Variants in ENAH observed in about 807,000 individuals in gnomAD.
ENAH encodes ENAH actin regulator.
A neutral mutation model predicts 78.7 loss-of-function variants in ENAH; 23 were observed. The ratio of observed to expected loss-of-function variants is 0.29; its 90% CI spans 0.21 to 0.41. ENAH has a LOEUF of 0.41. ENAH is among the 10% of genes least tolerant of loss of function. The pLI, the probability that ENAH is intolerant of heterozygous loss-of-function variation, is 1.00. For missense variants in ENAH, 544 were observed against 691.0 expected (o/e 0.79, Z 2.39); for synonymous variants, 226 against 241.0 (o/e 0.94, Z 0.58).
At chr1:225,553,574 GAA>G (rs1262114937) in intron 3 of ENAH, among the ~76,000 whole-genome samples, 30 of 125,390 alleles carry the variant, frequency 2.4e-4, no homozygotes, top group Non-Finnish European at 4.4e-4. Flanking sequence ...AAGATATTAA[GAA>G]AAAAAAAAAA....
chr1:225,614,791 A>T (rs2097015042), intron 1 of ENAH, among the ~76,000 whole-genome samples: 1 of 152,224 alleles, frequency 6.6e-6, no homozygotes, highest in Non-Finnish European at 1.5e-5. Context: ...AGGAACCAGG[A>T]ACAGAGACCA....
chr1:225,570,816 A>G (rs1463796655), intron 1 of ENAH, among the ~76,000 whole-genome samples: 1 of 151,732 alleles, frequency 6.6e-6, no homozygotes, highest in Non-Finnish European at 1.5e-5. Flanking sequence ...AAAAAAAATT[A>G]GCCAGGTCTG....
intron 12 of ENAH, among the ~76,000 whole-genome samples, chr1:225,500,141 T>C (rs1051995909): frequency 1.3e-5 from 2 of 152,222 alleles, no homozygotes; most frequent in Non-Finnish European, 2.9e-5. Context: ...TGATTTTCAA[T>C]GGCCACGTGC....
At chr1:225,580,912 C>CAAAAAAAAAAAAA (rs78529288) in intron 1 of ENAH, among the ~76,000 whole-genome samples, 10 of 63,688 alleles carry the variant, frequency 1.6e-4, no homozygotes, top group Non-Finnish European at 2.3e-4. Flanking sequence ...AGAAAAAAAC[C>CAAAAAAAAAAAAA]AAAAAAAAAA....
intron 1 of ENAH, among the ~76,000 whole-genome samples, chr1:225,629,958 A>G (rs1035177616): frequency 1.4e-4 from 21 of 152,232 alleles, no homozygotes; most frequent in Non-Finnish European, 2.6e-4. Context: ...TTAAATGACC[A>G]GAAAATGATT....
intron 1 of ENAH, 39 bp downstream of exon 1, chr1:225,652,647 A>G: frequency 6.3e-6 from 8 of 1,265,864 alleles, no homozygotes; most frequent in Non-Finnish European, 8.0e-6. Flanking sequence ...CTCCCGCGGC[A>G]CAATGGCCCG....
intron 1 of ENAH, among the ~76,000 whole-genome samples, chr1:225,601,099 TCAACAATTAACA>T (rs1256993048): frequency 1.3e-5 from 2 of 152,116 alleles, no homozygotes; most frequent in African/African-American, 4.8e-5. Flanking sequence ...TAAAATATAT[TCAACAATTAACA>T]GAACTGTCAG....
chr1:225,585,861 G>T (rs2096843469), intron 1 of ENAH, among the ~76,000 whole-genome samples: 1 of 152,112 alleles, frequency 6.6e-6, no homozygotes, highest in South Asian at 2.1e-4. Flanking sequence ...GAAATTTATA[G>T]TTGTGAATGC....
At chr1:225,601,619 A>G (rs577149708) in intron 1 of ENAH, among the ~76,000 whole-genome samples, 3 of 152,284 alleles carry the variant, frequency 2.0e-5, no homozygotes, top group Non-Finnish European at 4.4e-5. Context: ...GGTCAAAGAA[A>G]TACATCCCAA....
At chr1:225,641,872 T>C (rs1661123917) in intron 1 of ENAH, among the ~76,000 whole-genome samples, 1 of 151,866 alleles carries the variant, frequency 6.6e-6, no homozygotes, top group Non-Finnish European at 1.5e-5. Flanking sequence ...AATACAAAAA[T>C]TACCTGGGCG....
At chr1:225,569,342 G>A (rs2096749226) in intron 1 of ENAH, among the ~76,000 whole-genome samples, 1 of 152,210 alleles carries the variant, frequency 6.6e-6, no homozygotes, top group African/African-American at 2.4e-5. Context: ...GGAGCTGGGG[G>A]AGGGACAGCG....
At position 225,511,793 on chromosome 1, in the gene ENAH, T is replaced by C. The variant is rs562374371; in HGVS notation, c.1471+18A>G. The C allele has an allele frequency of 1.3e-6, 2 of 1,579,064 alleles. No individual in the cohort carries two copies. Among genetic ancestry groups the C allele is most frequent in the African/African-American group, 1.4e-5 (1 of 73,982 alleles). ...TAGAGAAAGTTTATAAAGGTTAAAA[T>C]ATTTATCTTGAACTTACCAGGTGTA... On this transcript the variant is annotated intron_variant, in intron 10 of 13. Transcript: ENST00000366843.
At chr1:225,535,613 C>G in intron 3 of ENAH, 3 of 1,094,680 alleles carry the variant, frequency 2.7e-6, no homozygotes, top group Non-Finnish European at 3.7e-6. Context: ...ACGGGGCCAT[C>G]TGAAGAACTT....
intron 2 of ENAH, among the ~76,000 whole-genome samples, chr1:225,562,774 A>C (rs1357378621): frequency 6.6e-6 from 1 of 151,910 alleles, no homozygotes; most frequent in Non-Finnish European, 1.5e-5. Flanking sequence ...AATTATAACA[A>C]CATGTGCCCA....
intron 1 of ENAH, among the ~76,000 whole-genome samples, chr1:225,642,113 A>G (rs1365143732): frequency 4.0e-5 from 6 of 151,644 alleles, no homozygotes; most frequent in African/African-American, 1.5e-4. Flanking sequence ...AAATGGGAGG[A>G]CTGTTTGAAC....
intron 4 of ENAH, 61 bp from the exon 5 acceptor site, chr1:225,519,626 A>G (rs2096452170): frequency 1.3e-6 from 2 of 1,551,166 alleles, no homozygotes; most frequent in Admixed American, 2.0e-5. Flanking sequence ...TGAAAAAGCG[A>G]TTCTTTTCAC....
Position 225,517,254 on chromosome 1 carries a change from A to G in ENAH, c.855T>C (p.Ser285=), listed in dbSNP as rs1229024543. ...CTGCCTGCAAGCCTGGCTCAGAAGC[A>G]GAAGAGTCTCCCAGCACAGAGTTTA... ...TPLNSVLGDS[S]ASEPGLQAAS... Residue 285 remains serine, a synonymous_variant, in exon 6 of 14, where the codon TCT becomes TCC. Transcript: ENST00000366843. 1.3e-6 allele frequency: 2 copies of G among 1,551,534 alleles called. No homozygotes were observed.
Position 225,514,645 on chromosome 1 carries a change from G to A in ENAH, c.1169C>T (p.Thr390Ile), listed in dbSNP as rs2096403167. ...ASMSEDNRPL[T>I]GLAAAIAGAK... ...TCCGGCAATTGCAGCTGCAAGTCCA[G>A]TTAAAGGGCGATTGTCTTCTGACAT... Residue 390 changes from threonine (T) to isoleucine (I), a missense_variant, in exon 7 of 14, where the codon ACT becomes ATT. Transcript: ENST00000366843. 6.2e-7 allele frequency: 1 copy of A among 1,606,458 alleles called. No homozygotes were observed. Among genetic ancestry groups the A allele is most frequent in the Non-Finnish European group, 8.5e-7 (1 of 1,176,194 alleles).
intron 1 of ENAH, among the ~76,000 whole-genome samples, chr1:225,603,251 A>G (rs1039833799): frequency 1.3e-5 from 2 of 152,124 alleles, no homozygotes; most frequent in South Asian, 2.1e-4. Flanking sequence ...TAATTAAGCA[A>G]ATATTTAGAA....
Sources: gnomAD v4.1 joint callset for allele counts (sites outside exome capture counted in the v4.1 genomes callset) on GRCh38, gnomAD v4.1.1 for gene constraint, MANE v1.5 for transcripts, NCBI Gene and HGNC (gene_info 2026-07-23, HGNC 2026-07-21) for gene names.